The following COL20A1 variants were observed in gnomAD, a reference collection of about 807,000 sequenced individuals.
COL20A1 encodes collagen type XX alpha 1 chain, also known as collagen alpha-1(XX) chain.
A neutral mutation model predicts 152.9 loss-of-function variants in COL20A1; 164 were observed. That is an observed-to-expected ratio of 1.07 (90% CI 0.94 to 1.22). The LOEUF (loss-of-function observed/expected upper bound fraction) is 1.22, where lower values mean the gene tolerates loss of function less well. COL20A1 is among the 50% of genes most tolerant of loss of function. The probability of loss-of-function intolerance (pLI) is 0.00; values close to 1 mark genes in which losing one functional copy is unlikely to be tolerated. For missense variants in COL20A1, 1,873 were observed against 1,744.8 expected (o/e 1.07, Z -1.31); for synonymous variants, 864 against 756.0 (o/e 1.14, Z -2.34).
intron 34 of COL20A1, 29 bp from the exon 35 acceptor site, chr20:63,329,556 G>A (rs776099031): frequency 2.6e-5 from 42 of 1,589,596 alleles, no homozygotes; most frequent in Middle Eastern, 1.7e-4. Context: ...GCATTGCTCC[G>A]TCCTCACATG....
intron 25 of COL20A1, among the ~76,000 whole-genome samples, chr20:63,320,606 A>G (rs1301042226): frequency 6.6e-6 from 1 of 152,044 alleles, no homozygotes; most frequent in Non-Finnish European, 1.5e-5. Context: ...GGCCATGCCC[A>G]CCTCTGTGGG....
At chr20:63,327,511 C>A in intron 31 of COL20A1, 1 of 203,742 alleles carries the variant, frequency 4.9e-6, no homozygotes, top group South Asian at 8.9e-5. Context: ...TGGCCTTCAG[C>A]AGCTCCATGG....
At position 63,319,681 on chromosome 20, in the gene COL20A1, C is replaced by A; in HGVS notation, c.2916+85C>A. The A allele has an allele frequency of 1.1e-6, 1 of 901,594 alleles. No homozygotes were observed. The highest frequency in any genetic ancestry group is 1.7e-6 in the Non-Finnish European group (1 of 573,348). The allele number at this position is 901,594 out of a possible 1,614,324, so 55.8% of individuals were successfully genotyped here. A position where few individuals can be genotyped will look rare whatever the true frequency, so the allele number is the denominator to read the frequency against. ...CACAGGGACCTGCCGGATGCCAACT[C>A]CTCTCCCTAGGAGAGCAGGACCTTC... On this transcript the variant is annotated intron_variant, in intron 23 of 35. Transcript: ENST00000358894. This position sits in a 1 kb window ranked among gnomAD's most constrained non-coding sequence, Gnocchi z 4.4.
rs1192947781 is a variant in COL20A1 at position 63,312,432 on chromosome 20, G to A, written c.1816G>A (p.Gly606Arg). 2 of 1,595,930 alleles carry A rather than the reference G, an allele frequency of 1.3e-6. No homozygotes were observed. Among genetic ancestry groups the A allele is most frequent in the Non-Finnish European group, 1.7e-6 (2 of 1,173,790 alleles). The change falls in exon 15 of 36, where the codon GGG becomes AGG. Residue 606 changes from glycine to arginine, a missense_variant. Gly to Arg is a moderately radical substitution (Grantham distance 125, BLOSUM62 -2). Transcript: ENST00000358894. ...GGHSGQTEAPGNATSATLGPL... is the reference protein window; with the variant it reads ...GGHSGQTEAPRNATSATLGPL... ...CCACCTGCTGCAGACAGAGGCTCCT[G>A]GGAACGCCACCTCGGCCACGCTGGG...
Position 63,306,662 on chromosome 20 carries a change from G to A in COL20A1, c.496+623G>A, listed in dbSNP as rs1372529334. Among the ~76,000 whole-genome samples the A allele has an allele frequency of 1.3e-5, 2 of 152,314 alleles. No homozygotes were observed. Among genetic ancestry groups the A allele is most frequent in the South Asian group, 4.1e-4 (2 of 4,826 alleles). ...AGCCAGGTAAGGGGTGGGCACAGACGGGGGCAGTGCACTGTGTCTGCCCAT... is the reference window on the plus strand; with the variant it reads ...AGCCAGGTAAGGGGTGGGCACAGACAGGGGCAGTGCACTGTGTCTGCCCAT... On this transcript the variant is annotated intron_variant, in intron 5 of 35. Transcript: ENST00000358894. This position sits in a 1 kb window ranked among gnomAD's most constrained non-coding sequence, Gnocchi z 6.9.
At chr20:63,327,357 G>C (rs556987784) in intron 31 of COL20A1, 2 of 175,598 alleles carry the variant, frequency 1.1e-5, no homozygotes, top group South Asian at 2.4e-4. Context: ...GTACAAGAGA[G>C]TGTAGCTAAG....
chr20:63,326,749 C>G lies in COL20A1; in HGVS notation c.3457-3C>G. On this transcript the variant is annotated splice_region_variant and splice_polypyrimidine_tract_variant and intron_variant, in intron 30 of 35. Coordinates refer to ENST00000358894, the MANE Select transcript of COL20A1 (RefSeq NM_020882.4). ...CCAAACCCTGACTTCTGTGTCTATG[C>G]AGGGGTTCCAGGGCATGGCAGGGGC... 1 of 1,457,126 alleles carries G rather than the reference C, an allele frequency of 6.9e-7. No individual in the cohort carries two copies. Among genetic ancestry groups the G allele is most frequent in the Non-Finnish European group, 9.0e-7 (1 of 1,109,922 alleles). The allele number at this position is 1,457,126 out of a possible 1,614,324, so 90.3% of individuals were successfully genotyped here. A position where few individuals can be genotyped will look rare whatever the true frequency, so the allele number is the denominator to read the frequency against.
chr20:63,298,632 T>C (rs1164004207), intron 3 of COL20A1, among the ~76,000 whole-genome samples: 1 of 152,146 alleles, frequency 6.6e-6, no homozygotes, highest in Non-Finnish European at 1.5e-5. Context: ...CGAGTCTCAA[T>C]GCGTCAGGGG....
intron 1 of COL20A1, among the ~76,000 whole-genome samples, chr20:63,293,886 G>T (rs2067747909): frequency 8.3e-6 from 1 of 121,084 alleles, no homozygotes; most frequent in Non-Finnish European, 1.8e-5. Context: ...GGCGTGTATT[G>T]GGGGGGTCTC....
chr20:63,297,861 T>C, intron 2 of COL20A1, 49 bp from the exon 3 acceptor site: 1 of 1,427,304 alleles, frequency 7.0e-7, no homozygotes, highest in South Asian at 1.2e-5. Context: ...GCTGATTAGG[T>C]GGATGGGGAG....
Position 63,309,913 on chromosome 20 carries a change from G to T in COL20A1, c.1261G>T (p.Glu421Ter). The T allele has an allele frequency of 6.3e-7, 1 of 1,599,012 alleles. No individual in the cohort carries two copies. The highest frequency in any genetic ancestry group is 8.5e-7 in the Non-Finnish European group (1 of 1,172,958). ...AGCCTCTAGAGGTGGCACCCCCAGG[G>T]AGGTGAGGGGGCCGGTATACAGGGC... Reference protein sequence around the residue: ...WRASRGGTPREVVVEGPAAST... With the variant: ...WRASRGGTPR Residue 421 changes from glutamate (E) to a stop codon, truncating the protein, a stop_gained and splice_region_variant, in exon 10 of 36, where the codon GAG becomes TAG. Transcript: ENST00000358894. LOFTEE classifies it high-confidence loss of function.
At chr20:63,299,320 G>T (rs959123817) in intron 3 of COL20A1, among the ~76,000 whole-genome samples, 1 of 152,124 alleles carries the variant, frequency 6.6e-6, no homozygotes, top group African/African-American at 2.4e-5. Flanking sequence ...TTTTCCAAAG[G>T]GGTCGTGCCA....
At position 63,312,069 on chromosome 20, in the gene COL20A1, C is replaced by T. The variant is rs751887478; in HGVS notation, c.1803+14C>T. ...CACTCGGGGCAGGTGAGAGCAGAGC[C>T]CTCCGGGGGCCCGAGTGTCTTGAGG... On this transcript the variant is annotated intron_variant, in intron 14 of 35. Coordinates refer to ENST00000358894, the MANE Select transcript of COL20A1 (RefSeq NM_020882.4). 5 of 1,539,704 alleles carry T rather than the reference C, an allele frequency of 3.2e-6. No homozygotes were observed. Among genetic ancestry groups the T allele is most frequent in the Non-Finnish European group, 4.4e-6 (5 of 1,142,868 alleles).
At chr20:63,298,749 A>G (rs903274854) in intron 3 of COL20A1, among the ~76,000 whole-genome samples, 9 of 152,172 alleles carry the variant, frequency 5.9e-5, no homozygotes, top group African/African-American at 2.2e-4. Flanking sequence ...TTTTCAGGGA[A>G]CCCTGTTCCT....
In COL20A1 at chr20:63,332,481, A is replaced by C. The variant is rs1321904362; in HGVS notation, c.*1765A>C. The C allele has an allele frequency of 6.6e-6, 1 of 152,302 alleles. No individual in the cohort carries two copies. The highest frequency in any genetic ancestry group is 1.5e-5 in the Non-Finnish European group (1 of 68,088). 9.4% of individuals were successfully genotyped at this position (152,302 alleles called of 1,614,324 possible). On this transcript the variant is annotated 3_prime_UTR_variant, in exon 36 of 36. Transcript: ENST00000358894. Reference sequence around the variant, plus strand: ...GAGTGAGCAGGCTTTGTCATGAGGCAGGAGTGGGGCTAGAATCAAGCCCAG... The same window carrying C: ...GAGTGAGCAGGCTTTGTCATGAGGCCGGAGTGGGGCTAGAATCAAGCCCAG...
At position 63,314,111 on chromosome 20, in the gene COL20A1, G is replaced by A. The variant is rs369095452; in HGVS notation, c.2398G>A (p.Asp800Asn). Residue 800 changes from aspartate to asparagine, a missense_variant, in exon 19 of 36, where the codon GAC becomes AAC. Asp to Asn is a conservative substitution (Grantham distance 23). Coordinates refer to ENST00000358894, the MANE Select transcript of COL20A1 (RefSeq NM_020882.4). ...AGCCAGGAGCCACGTGACACTGCCC[G>A]ACCTGCAGGCAGCCACGAAGTACAG... ...PGARSHVTLP[D>N]LQAATKYRVL... is the part of the protein sequence containing the mutation. 8.1e-6 allele frequency: 13 copies of A among 1,612,500 alleles called. No individual in the cohort carries two copies. The highest frequency in any genetic ancestry group is 2.2e-5 in the East Asian group (1 of 44,892).
Position 63,306,781 on chromosome 20 carries a change from C to T in COL20A1, c.497-709C>T, listed in dbSNP as rs1406513503. Among the ~76,000 whole-genome samples, 1 of 152,240 alleles carries T rather than the reference C, an allele frequency of 6.6e-6. No homozygotes were observed. The highest frequency in any genetic ancestry group is 1.5e-5 in the Non-Finnish European group (1 of 68,026). Reference sequence around the variant, plus strand: ...GACTGGGGTCCTCAGAAGCAGGATTCTACCTCCCCCGTCAGACTTGGAACT... The same window carrying T: ...GACTGGGGTCCTCAGAAGCAGGATTTTACCTCCCCCGTCAGACTTGGAACT... On this transcript the variant is annotated intron_variant, in intron 5 of 35. Transcript: ENST00000358894. This position sits in a 1 kb window ranked among gnomAD's most constrained non-coding sequence, Gnocchi z 6.9.
In COL20A1 at chr20:63,316,666, G is replaced by T; in HGVS notation, c.2638G>T (p.Asp880Tyr). 1 of 1,573,616 alleles carries T rather than the reference G, an allele frequency of 6.4e-7. No individual in the cohort carries two copies. The highest frequency in any genetic ancestry group is 8.6e-7 in the Non-Finnish European group (1 of 1,160,498). The part of the protein sequence containing the change: ...GGTPTFTLFK[D>Y]AQLTRRVSDV... The stretch of plus-strand genomic sequence containing the variant: ...GACCCCGACCTTCACGCTCTTCAAG[G>T]ACGCCCAGCTGACAAGACGGGTCAG... Residue 880 changes from aspartate (D) to tyrosine (Y), a missense_variant, in exon 21 of 36, where the codon GAC (aspartate) becomes TAC (tyrosine). Physicochemically the swap from Asp to Tyr is radical, Grantham distance 160 (BLOSUM62 -3). Transcript: ENST00000358894.
Position 63,307,795 on chromosome 20 carries a change from G to A in COL20A1, c.655+147G>A, listed in dbSNP as rs143257817. ...ACGCCTGCTCCACATGGGGTGTTCT[G>A]GGGACCCCTCCGTGTGGAGGCCCTG... is the stretch of plus-strand genomic sequence containing the variant. On this transcript the variant is annotated intron_variant, in intron 6 of 35. Transcript: ENST00000358894. 2,365 of 1,203,342 alleles carry A rather than the reference G, an allele frequency of 2.0e-3. 3 individuals carry two copies. Among genetic ancestry groups the A allele is most frequent in the Admixed American group, 3.9e-3 (164 of 42,130 alleles). The allele number at this position is 1,203,342 out of a possible 1,614,324, so 74.5% of individuals were successfully genotyped here.
Sources: allele counts gnomAD v4.1 joint callset (sites outside exome capture counted in the v4.1 genomes callset), GRCh38; gene constraint gnomAD v4.1.1; non-coding constraint Gnocchi (gnomAD v3.1); transcripts MANE v1.5; gene names NCBI Gene and HGNC (gene_info 2026-07-23, HGNC 2026-07-21).